FREM3: variants seen among roughly 807,000 people sequenced by gnomAD.
The protein encoded by FREM3 is FRAS1-related extracellular matrix protein 3.
In FREM3, 105 loss-of-function variants were observed where a neutral mutation model predicts 129.1. That is an observed-to-expected ratio of 0.81 (90% CI 0.69 to 0.96). The LOEUF (loss-of-function observed/expected upper bound fraction) is 0.96, where lower values mean the gene tolerates loss of function less well. Ranked by LOEUF, FREM3 falls within the 40% of genes least tolerant of loss-of-function variation. The pLI is 0.00. For synonymous variants in FREM3, 1,014 were observed against 1,044.9 expected, an observed-to-expected ratio of 0.97 and a Z score of 0.57; for missense variants, 2,593 against 2,666.3, an observed-to-expected ratio of 0.97 and a Z score of 0.61.
intron 2 of FREM3, among the ~76,000 whole-genome samples, chr4:143,648,853 C>T (rs1301922739): frequency 6.6e-6 from 1 of 152,166 alleles, no homozygotes; most frequent in Non-Finnish European, 1.5e-5. Context: ...GCCTCAAACT[C>T]CTGGGCTCAA....
intron 6 of FREM3, among the ~76,000 whole-genome samples, chr4:143,589,140 G>A (rs1284167123): frequency 6.6e-6 from 1 of 151,906 alleles, no homozygotes; most frequent in Non-Finnish European, 1.5e-5. Context: ...CTGGATATTA[G>A]CCCTTTGTCA....
At chr4:143,580,665 C>T (rs577813142) in intron 7 of FREM3, among the ~76,000 whole-genome samples, 37 of 152,298 alleles carry the variant, frequency 2.4e-4, no homozygotes, top group Middle Eastern at 3.4e-3. Context: ...AGCCCACTGG[C>T]CTGGGACCCC....
intron 5 of FREM3, among the ~76,000 whole-genome samples, chr4:143,614,170 A>G (rs1323570336): frequency 6.6e-6 from 1 of 152,220 alleles, no homozygotes; most frequent in African/African-American, 2.4e-5. Flanking sequence ...AGAGTTGGTG[A>G]AAAAAGTTGT....
chr4:143,591,208 T>C (rs1210640187), intron 6 of FREM3, among the ~76,000 whole-genome samples: 2 of 152,142 alleles, frequency 1.3e-5, no homozygotes, highest in African/African-American at 4.8e-5. Context: ...TTCATTGATT[T>C]TTTTGAAGGG....
In FREM3 at chr4:143,699,583, T is replaced by C. The variant is rs1427240564; in HGVS notation, c.1093A>G (p.Ser365Gly). The C allele has an allele frequency of 1.3e-6, 2 of 1,534,794 alleles. No individual in the cohort carries two copies. The highest frequency in any genetic ancestry group is 2.4e-5 in the East Asian group (1 of 40,882). The change falls in exon 1 of 8, where the codon AGC (serine) becomes GGC (glycine). Residue 365 changes from serine (S) to glycine (G), a missense_variant. This residue lies in a region of FREM3 where 2,276 missense variants were observed against 2,267.2 expected (regional missense o/e 1.00). Transcript: ENST00000329798. This position sits in a 1 kb window ranked among gnomAD's most constrained non-coding sequence, Gnocchi z 4.2. ...GGAAGCCCTAGAGGGTCGTCGGTGC[T>C]GACCACGTAGCCCTGTTGCCCCGGG... ...GHPGQQGYVVSTDDPLGLPVS... is the reference protein window; with the variant it reads ...GHPGQQGYVVGTDDPLGLPVS...
chr4:143,661,286 A>C lies in FREM3; in HGVS notation c.5275+31827T>G, dbSNP rs185761719. Among the ~76,000 whole-genome samples, 1,032 of 152,326 alleles carry C rather than the reference A, an allele frequency of 6.8e-3. 16 individuals carry two copies. Among genetic ancestry groups the C allele is most frequent in the African/African-American group, 0.024 (989 of 41,550 alleles). ...AATACCTAATTTATTGAGAGTTTTT[A>C]GCATGAAGGTAAGGGTTGTTGAATT... On this transcript the variant is annotated intron_variant, in intron 2 of 7. Transcript: ENST00000329798.
chr4:143,699,951 C>CA lies in FREM3; in HGVS notation c.724dup (p.Cys242LeufsTer2). The CA allele has an allele frequency of 6.6e-7, 1 of 1,522,388 alleles. No homozygotes were observed. Among genetic ancestry groups the CA allele is most frequent in the East Asian group, 2.5e-5 (1 of 40,684 alleles). 94.3% of individuals were successfully genotyped at this position (1,522,388 alleles called of 1,614,324 possible). On this transcript the variant is annotated frameshift_variant, in exon 1 of 8. Transcript: ENST00000329798. LOFTEE classifies it high-confidence loss of function. This position sits in a 1 kb window ranked among gnomAD's most constrained non-coding sequence, Gnocchi z 4.2. ...CACCCCAGCACGGAGGAAAGCCTCACAGTCTACGCCCTTGCCCCTGGGGAG... is the reference window on the plus strand; with the variant it reads ...CACCCCAGCACGGAGGAAAGCCTCACAAGTCTACGCCCTTGCCCCTGGGGAG...
intron 6 of FREM3, among the ~76,000 whole-genome samples, chr4:143,589,628 G>C (rs546752276): frequency 6.6e-6 from 1 of 152,192 alleles, no homozygotes; most frequent in African/African-American, 2.4e-5. Flanking sequence ...CTACCATGCT[G>C]TTTTGGTTAC....
intron 1 of FREM3, 26 bp from the exon 2 acceptor site, chr4:143,693,228 A>G: frequency 1.6e-6 from 2 of 1,262,132 alleles, no homozygotes; most frequent in Non-Finnish European, 2.2e-6. Context: ...CCATCACACA[A>G]AGTCATATTG....
chr4:143,660,573 T>C (rs963913773), intron 2 of FREM3, among the ~76,000 whole-genome samples: 75 of 152,208 alleles, frequency 4.9e-4, no homozygotes, highest in Non-Finnish European at 8.8e-4. Flanking sequence ...GCGGGCTCTT[T>C]TTTGGTTCCA....
chr4:143,693,372 T>G (rs888234909), intron 1 of FREM3, among the ~76,000 whole-genome samples, 170 bp from the exon 2 acceptor site: 1 of 152,192 alleles, frequency 6.6e-6, no homozygotes, highest in Non-Finnish European at 1.5e-5. Context: ...AAACAAAACT[T>G]TAGTTTGAAA....
intron 2 of FREM3, among the ~76,000 whole-genome samples, chr4:143,661,887 G>A (rs534080678): frequency 1.1e-4 from 17 of 152,238 alleles, no homozygotes; most frequent in East Asian, 3.9e-4. Flanking sequence ...AGAGGTGTTT[G>A]TAGTATTCTC....
At chr4:143,616,105 A>G (rs1738839320) in intron 5 of FREM3, among the ~76,000 whole-genome samples, 2 of 152,248 alleles carry the variant, frequency 1.3e-5, no homozygotes, top group Admixed American at 1.3e-4. Flanking sequence ...TAGAAAAAAC[A>G]TCTCTACAAA....
At position 143,667,105 on chromosome 4, in the gene FREM3, T is replaced by C. The variant is rs1434428168; in HGVS notation, c.5275+26008A>G. 2.6e-5 allele frequency among the ~76,000 whole-genome samples: 4 copies of C among 152,174 alleles called. No individual in the cohort carries two copies. The East Asian group carries it at 7.7e-4, about 29-fold the overall frequency. On this transcript the variant is annotated intron_variant, in intron 2 of 7. Coordinates refer to ENST00000329798, the MANE Select transcript of FREM3 (RefSeq NM_001168235.2). ...ATAATAAAGTATCTGTAATTTGATA[T>C]TTCTAATAGTTGCGAAGTCACAAGT... is the stretch of plus-strand genomic sequence containing the variant.
At chr4:143,629,629 A>G (rs192692357) in intron 2 of FREM3, among the ~76,000 whole-genome samples, 1 of 152,248 alleles carries the variant, frequency 6.6e-6, no homozygotes, top group Admixed American at 6.5e-5. Context: ...AGTCCTTTAG[A>G]TTTTGAAATC....
intron 2 of FREM3, among the ~76,000 whole-genome samples, chr4:143,646,775 A>C (rs1245026893): frequency 1.3e-5 from 2 of 152,342 alleles, no homozygotes; most frequent in East Asian, 3.9e-4. Context: ...AGTAAATTTG[A>C]TACTGCAGAG....
chr4:143,596,581 T>C (rs1738487037), intron 6 of FREM3, among the ~76,000 whole-genome samples: 1 of 152,134 alleles, frequency 6.6e-6, no homozygotes. Context: ...AAGTTGAATT[T>C]GAATGGCCTG....
At chr4:143,631,885 T>C (rs1360819427) in intron 2 of FREM3, among the ~76,000 whole-genome samples, 3 of 152,182 alleles carry the variant, frequency 2.0e-5, no homozygotes, top group African/African-American at 7.2e-5. Flanking sequence ...ATGACCAGAC[T>C]ACTTCAGAAT....
At chr4:143,622,625 G>A (rs72723182) in intron 4 of FREM3, among the ~76,000 whole-genome samples, 4,379 of 152,088 alleles carry the variant, frequency 0.029, 96 homozygotes, top group Non-Finnish European at 0.039. Flanking sequence ...TACCTGTATG[G>A]TAGTCTACTA....
Sources: gnomAD v4.1 joint callset for allele counts (sites outside exome capture counted in the v4.1 genomes callset) on GRCh38, gnomAD v4.1.1 for gene constraint, gnomAD v4.1.1 regional missense constraint, Gnocchi (gnomAD v3.1) non-coding constraint, MANE v1.5 for transcripts, NCBI Gene and HGNC (gene_info 2026-07-23, HGNC 2026-07-21) for gene names.